The following ATE1 variants were observed in gnomAD, a reference collection of about 807,000 sequenced individuals.
ATE1 encodes the protein arginyltransferase 1.
In ATE1, 36 loss-of-function variants were observed where a neutral mutation model predicts 70.5. The ratio of observed to expected loss-of-function variants is 0.51; its 90% CI spans 0.39 to 0.67. The LOEUF (loss-of-function observed/expected upper bound fraction) is 0.67, where lower values mean the gene tolerates loss of function less well. ATE1 is among the 30% of genes least tolerant of loss of function. The probability of loss-of-function intolerance (pLI) is 0.00; values close to 1 mark genes in which losing one functional copy is unlikely to be tolerated. For missense variants in ATE1, 593 were observed against 629.5 expected (o/e 0.94, Z 0.62); for synonymous variants, 232 against 219.3 (o/e 1.06, Z -0.51).
intron 10 of ATE1, among the ~76,000 whole-genome samples, chr10:121,792,053 A>G (rs1287548888): frequency 6.6e-6 from 1 of 152,248 alleles, no homozygotes; most frequent in Non-Finnish European, 1.5e-5. Context: ...ATACATCCAC[A>G]AAATGTGAGG....
At chr10:121,917,232 G>A (rs11200257) in intron 3 of ATE1, among the ~76,000 whole-genome samples, 20,083 of 152,030 alleles carry the variant, frequency 0.13, 1,529 homozygotes, top group East Asian at 0.19. Context: ...AGATCAAGCC[G>A]GTCAGAAGGC....
intron 10 of ATE1, among the ~76,000 whole-genome samples, chr10:121,831,218 T>C (rs372978654): frequency 6.6e-6 from 1 of 152,246 alleles, no homozygotes; most frequent in East Asian, 1.9e-4. Flanking sequence ...AGATACTGTT[T>C]CGAATAACCT....
chr10:121,878,275 C>A (rs1950119159), intron 7 of ATE1, among the ~76,000 whole-genome samples: 1 of 152,122 alleles, frequency 6.6e-6, no homozygotes, highest in African/African-American at 2.4e-5. Context: ...TTAATCCGAG[C>A]AGTGACTATA....
chr10:121,822,420 G>A (rs112125447), intron 10 of ATE1, among the ~76,000 whole-genome samples: 1 of 152,326 alleles, frequency 6.6e-6, no homozygotes, highest in African/African-American at 2.4e-5. Context: ...GGCTTGTGGG[G>A]TGCTGGGCAC....
At chr10:121,813,582 A>G (rs1947411656) in intron 10 of ATE1, among the ~76,000 whole-genome samples, 1 of 152,226 alleles carries the variant, frequency 6.6e-6, no homozygotes, top group Non-Finnish European at 1.5e-5. Context: ...GCCCATAAGG[A>G]AATGAGGACA....
intron 6 of ATE1, 123 bp downstream of exon 6, chr10:121,902,268 C>A: frequency 2.2e-6 from 2 of 904,822 alleles, no homozygotes; most frequent in Non-Finnish European, 1.6e-6. Flanking sequence ...TCTTTAATTT[C>A]TTTTAAATTC....
At chr10:121,905,901 G>C (rs905635819) in intron 5 of ATE1, among the ~76,000 whole-genome samples, 2 of 151,982 alleles carry the variant, frequency 1.3e-5, no homozygotes, top group African/African-American at 2.4e-5. Context: ...AGATCTCCCA[G>C]GTCAATAAAT....
intron 7 of ATE1, among the ~76,000 whole-genome samples, chr10:121,884,486 G>A (rs960863673): frequency 6.6e-6 from 1 of 152,088 alleles, no homozygotes; most frequent in Non-Finnish European, 1.5e-5. Flanking sequence ...CTACTCAGGG[G>A]ACCAAGGCAG....
In ATE1 at chr10:121,845,973, CA is replaced by C. The variant is rs535941469; in HGVS notation, c.976-4711del. Among the ~76,000 whole-genome samples the C allele has an allele frequency of 5.9e-5, 9 of 152,146 alleles. No individual in the cohort carries two copies. The South Asian group carries it at 1.9e-3, about 32-fold the overall frequency. Reference sequence around the variant, plus strand: ...TCTAGAAGAAACACCACCCCAGGAGCAATGAGCATTCCTAGCACCCAGATCT... The same window carrying C: ...TCTAGAAGAAACACCACCCCAGGAGCATGAGCATTCCTAGCACCCAGATCT... On this transcript the variant is annotated intron_variant, in intron 8 of 11. Coordinates refer to ENST00000224652, the MANE Select transcript of ATE1 (RefSeq NM_001001976.3).
intron 8 of ATE1, among the ~76,000 whole-genome samples, chr10:121,864,493 G>A (rs999672664): frequency 6.6e-6 from 1 of 152,220 alleles, no homozygotes; most frequent in Non-Finnish European, 1.5e-5. Context: ...TGGGAACTGG[G>A]GACCCCTGAT....
intron 10 of ATE1, among the ~76,000 whole-genome samples, chr10:121,832,571 G>T (rs80319505): frequency 1.3e-5 from 2 of 152,282 alleles, no homozygotes; most frequent in East Asian, 3.9e-4. Flanking sequence ...AATGTCTCAC[G>T]ATATCTGATG....
chr10:121,928,231 G>A (rs1952186181), upstream of ATE1: 1 of 1,369,982 alleles, frequency 7.3e-7, no homozygotes. Flanking sequence ...AAACAGGATG[G>A]GGAGAGTCAA....
intron 10 of ATE1, among the ~76,000 whole-genome samples, chr10:121,823,214 C>T (rs1430173288): frequency 6.6e-6 from 1 of 151,918 alleles, no homozygotes; most frequent in Non-Finnish European, 1.5e-5. Flanking sequence ...GACATGAACC[C>T]GGGAGGCAGA....
chr10:121,890,326 A>G (rs1380379691), intron 7 of ATE1, among the ~76,000 whole-genome samples: 1 of 152,210 alleles, frequency 6.6e-6, no homozygotes, highest in African/African-American at 2.4e-5. Flanking sequence ...ATGCGTTATA[A>G]TTATACCACG....
chr10:121,919,672 T>C (rs1951803164), intron 3 of ATE1, among the ~76,000 whole-genome samples: 1 of 151,182 alleles, frequency 6.6e-6, no homozygotes, highest in South Asian at 2.1e-4. Context: ...TCCCAGCACT[T>C]TGAGGTGGGT....
Position 121,922,373 on chromosome 10 carries a change from G to C in ATE1, c.209C>G (p.Thr70Arg), listed in dbSNP as rs1207161454. Residue 70 changes from threonine to arginine, a missense_variant, in exon 3 of 12, where the codon ACA becomes AGA. By Grantham distance (71) the Thr-to-Arg change is moderately conservative (BLOSUM62 -1). Transcript: ENST00000224652. Reference sequence around the variant, plus strand: ...CCTTATTGTGTACTGAGGACAACATGTTTGATTCATGACAGGTTTGTACAC... The same window carrying C: ...CCTTATTGTGTACTGAGGACAACATCTTTGATTCATGACAGGTTTGTACAC... ...KYVYKPVMNQ[T>R]CCPQYTIRCR... is the part of the protein sequence containing the mutation. 6.3e-7 allele frequency: 1 copy of C among 1,599,084 alleles called. No individual in the cohort carries two copies. The highest frequency in any genetic ancestry group is 8.6e-7 in the Non-Finnish European group (1 of 1,168,094).
intron 3 of ATE1, among the ~76,000 whole-genome samples, chr10:121,920,530 AAAG>A (rs1023248816): frequency 1.3e-5 from 2 of 152,052 alleles, no homozygotes; most frequent in East Asian, 1.9e-4. Flanking sequence ...TCAAAAAAAA[AAAG>A]AAAAAAGAAG....
chr10:121,758,031 G>A (rs190781836), intron 11 of ATE1, among the ~76,000 whole-genome samples: 49 of 152,166 alleles, frequency 3.2e-4, no homozygotes, highest in African/African-American at 9.9e-4. Context: ...GCACAGTAAC[G>A]GAAATGTGGC....
At chr10:121,863,451 C>T (rs936531105) in intron 8 of ATE1, among the ~76,000 whole-genome samples, 1 of 151,864 alleles carries the variant, frequency 6.6e-6, no homozygotes, top group South Asian at 2.1e-4. Flanking sequence ...CAGGGTTTCA[C>T]CATATTGGCC....
Sources: allele counts gnomAD v4.1 joint callset (sites outside exome capture counted in the v4.1 genomes callset), GRCh38; gene constraint gnomAD v4.1.1; transcripts MANE v1.5; gene names NCBI Gene and HGNC (gene_info 2026-07-23, HGNC 2026-07-21).